The following MIA3 variants were observed in gnomAD, a reference collection of about 807,000 sequenced individuals.
MIA3 encodes the protein transport and Golgi organization protein 1 homolog.
Under a neutral mutation model 192.4 loss-of-function variants are expected in MIA3, and 90 were observed. The ratio of observed to expected loss-of-function variants is 0.47; its 90% CI spans 0.39 to 0.56. The LOEUF (loss-of-function observed/expected upper bound fraction) is 0.56. Ranked by LOEUF, MIA3 falls within the 20% of genes least tolerant of loss-of-function variation. MIA3 has a pLI of 0.00. For missense variants in MIA3, 2,123 were observed against 2,269.4 expected, an observed-to-expected ratio of 0.94 and a Z score of 1.31; for synonymous variants, 740 against 792.8, an observed-to-expected ratio of 0.93 and a Z score of 1.12.
rs1271248595 is a variant in MIA3 at position 222,629,899 on chromosome 1, G to A, written c.2679G>A (p.Gly893=). ...TEKYMGTESQ[G]SAAAEPEDDS... is the part of the protein sequence containing the mutation. The stretch of plus-strand genomic sequence containing the variant: ...AGTACATGGGCACAGAAAGCCAGGG[G>A]TCTGCTGCTGCAGAACCTGAAGATG... The change falls in exon 4 of 28, where the codon GGG becomes GGA. Residue 893 remains glycine, a synonymous_variant. Transcript: ENST00000344922. The A allele has an allele frequency of 1.2e-6, 2 of 1,613,914 alleles. No homozygotes were observed. Among genetic ancestry groups the A allele is most frequent in the Non-Finnish European group, 1.7e-6 (2 of 1,179,992 alleles).
chr1:222,635,423 C>T (rs987364488), intron 6 of MIA3, among the ~76,000 whole-genome samples: 1 of 152,106 alleles, frequency 6.6e-6, no homozygotes, highest in African/African-American at 2.4e-5. Flanking sequence ...TATAAGGGCG[C>T]AGTGTTATAA....
chr1:222,663,706 G>T (rs183804648), intron 26 of MIA3, among the ~76,000 whole-genome samples: 1 of 152,148 alleles, frequency 6.6e-6, no homozygotes, highest in Non-Finnish European at 1.5e-5. Context: ...TATGAATGGC[G>T]TAACTTCTAT....
intron 1 of MIA3, among the ~76,000 whole-genome samples, chr1:222,620,625 A>G (rs1661812164): frequency 6.6e-6 from 1 of 152,244 alleles, no homozygotes; most frequent in South Asian, 2.1e-4. Context: ...GTTTACTGCT[A>G]CATAGTACTG....
Position 222,633,261 on chromosome 1 carries a change from A to G in MIA3, c.3477+12A>G, listed in dbSNP as rs74145518. 2.4e-3 allele frequency: 3,736 copies of G among 1,577,842 alleles called. 72 individuals carry two copies. The African/African-American group carries it at 0.043, about 18-fold the overall frequency. On this transcript the variant is annotated intron_variant, in intron 6 of 27. Coordinates refer to ENST00000344922, the MANE Select transcript of MIA3 (RefSeq NM_198551.4). ...ATTTAACTAAGTCGGTAAGTTTAAC[A>G]TAGTTTTTTTTTAACTAAAATGTTG... is the stretch of plus-strand genomic sequence containing the variant.
chr1:222,644,082 C>A (rs976350508), intron 6 of MIA3, among the ~76,000 whole-genome samples: 2 of 152,240 alleles, frequency 1.3e-5, no homozygotes, highest in Non-Finnish European at 2.9e-5. Context: ...CACAATCCTC[C>A]TCCAGGTAAA....
At chr1:222,652,566 T>A (rs1663498050) in intron 13 of MIA3, among the ~76,000 whole-genome samples, 1 of 152,228 alleles carries the variant, frequency 6.6e-6, no homozygotes, top group African/African-American at 2.4e-5. Context: ...AGTCTTGTTT[T>A]GTCAGACACC....
At chr1:222,658,150 G>T (rs535897100) in intron 18 of MIA3, among the ~76,000 whole-genome samples, 38 of 152,162 alleles carry the variant, frequency 2.5e-4, no homozygotes, top group Non-Finnish European at 4.4e-4. Context: ...GCCAGTACTC[G>T]GATTTGTCTC....
chr1:222,646,861 T>C (rs538194932), intron 7 of MIA3, among the ~76,000 whole-genome samples: 4 of 152,338 alleles, frequency 2.6e-5, no homozygotes, highest in South Asian at 2.1e-4. Context: ...GTTCATATAA[T>C]GGGATATTAG....
In MIA3 at chr1:222,662,337, A is replaced by G. The variant is rs760054493; in HGVS notation, c.5262+5A>G. On this transcript the variant is annotated splice_donor_5th_base_variant and intron_variant, in intron 26 of 27. Coordinates refer to ENST00000344922, the MANE Select transcript of MIA3 (RefSeq NM_198551.4). The stretch of plus-strand genomic sequence containing the variant: ...AGGGTACTCGATGAAGGCAAGGTAA[A>G]TGCACCCATTTTGAATAATTAGTTA... 7 of 1,612,358 alleles carry G rather than the reference A, an allele frequency of 4.3e-6. No homozygotes were observed. Among genetic ancestry groups the G allele is most frequent in the Non-Finnish European group, 5.1e-6 (6 of 1,178,382 alleles).
intron 4 of MIA3, 51 bp downstream of exon 4, chr1:222,630,440 G>A: frequency 6.6e-7 from 1 of 1,520,086 alleles, no homozygotes; most frequent in Non-Finnish European, 8.8e-7. Context: ...AGGTGGGTGG[G>A]TCGCTGAGGT....
rs777117701 is a variant in MIA3 at position 222,629,785 on chromosome 1, C to T, written c.2565C>T (p.Asn855=). The change falls in exon 4 of 28, where the codon AAC becomes AAT. Residue 855 remains asparagine (N), a synonymous_variant. Coordinates refer to ENST00000344922, the MANE Select transcript of MIA3 (RefSeq NM_198551.4). ...FQNKDSDYLK[N]DNPEEHLKTS... is the part of the protein sequence containing the mutation. The stretch of plus-strand genomic sequence containing the variant: ...ATAAAGATTCTGATTATCTGAAGAA[C>T]GACAACCCTGAGGAACATCTGAAGA... 1.5e-5 allele frequency: 24 copies of T among 1,613,996 alleles called. No homozygotes were observed. Among genetic ancestry groups the T allele is most frequent in the Admixed American group, 5.0e-5 (3 of 59,998 alleles).
rs201752969 is a variant in MIA3, at chr1:222,665,608, C to T, written c.5713C>T (p.Gln1905Ter). The change falls in exon 28 of 28, where the codon CAG becomes TAG. Residue 1905 changes from glutamine to a stop codon, truncating the protein, a stop_gained. Transcript: ENST00000344922. LOFTEE classifies it high-confidence loss of function. ...CCAGGACTGTTCACAGGCTTTAAAA[C>T]AGAGCCCATAAAACTATGACCTCTG... The part of the protein sequence containing the change: ...TSQDCSQALK[Q>*]SP 9.4e-5 allele frequency: 150 copies of T among 1,588,074 alleles called. No homozygotes were observed. Among genetic ancestry groups the T allele is most frequent in the Non-Finnish European group, 1.3e-4 (147 of 1,169,656 alleles).
At chr1:222,632,074 A>G in intron 4 of MIA3, 91 bp from the exon 5 acceptor site, 1 of 1,158,372 alleles carries the variant, frequency 8.6e-7, no homozygotes, top group Non-Finnish European at 1.2e-6. Flanking sequence ...CATGGAGGTC[A>G]ATGTTGAGGT....
In MIA3 at chr1:222,645,689, A is replaced by G; in HGVS notation, c.3609+4A>G. On this transcript the variant is annotated splice_donor_region_variant and intron_variant, in intron 7 of 27. Coordinates refer to ENST00000344922, the MANE Select transcript of MIA3 (RefSeq NM_198551.4). ...CTTATGGAGAACTGTCCTTGTTGTG[A>G]GTAAATTAATGCATACTTTAACTCA... The G allele has an allele frequency of 6.2e-7, 1 of 1,612,114 alleles. No individual in the cohort carries two copies. The highest frequency in any genetic ancestry group is 8.5e-7 in the Non-Finnish European group (1 of 1,179,192).
Position 222,629,844 on chromosome 1 carries a change from T to G in MIA3, c.2624T>G (p.Leu875Arg). ...CTTGCAGGGGAGCCTGAGGGAGAAC[T>G]CTCAAAAGAGGACCATGAGAACACA... ...SGLAGEPEGE[L>R]SKEDHENTEK... The change falls in exon 4 of 28, where the codon CTC (leucine) becomes CGC (arginine). Residue 875 changes from leucine to arginine, a missense_variant. Leu to Arg is a moderately radical substitution (Grantham distance 102). Transcript: ENST00000344922. 12 of 1,613,578 alleles carry G rather than the reference T, an allele frequency of 7.4e-6. No individual in the cohort carries two copies. The highest frequency in any genetic ancestry group is 1.0e-5 in the Non-Finnish European group (12 of 1,179,884).
At position 222,630,159 on chromosome 1, in the gene MIA3, G is replaced by T; in HGVS notation, c.2939G>T (p.Arg980Leu). The T allele has an allele frequency of 6.2e-7, 1 of 1,614,218 alleles. No homozygotes were observed. Among genetic ancestry groups the T allele is most frequent in the Non-Finnish European group, 8.5e-7 (1 of 1,180,038 alleles). ...GAAAAAGTCCTAGATAAGGTCTTCCGTGCTTCTGAGTCACAAATTCTGAGC... is the reference window on the plus strand; with the variant it reads ...GAAAAAGTCCTAGATAAGGTCTTCCTTGCTTCTGAGTCACAAATTCTGAGC... ...NMEKVLDKVF[R>L]ASESQILSIA... Residue 980 changes from arginine to leucine, a missense_variant, in exon 4 of 28, where the codon CGT becomes CTT. Arg to Leu is a moderately radical substitution (Grantham distance 102). Coordinates refer to ENST00000344922, the MANE Select transcript of MIA3 (RefSeq NM_198551.4).
intron 27 of MIA3, chr1:222,664,782 T>C (rs922642508): frequency 4.5e-5 from 11 of 246,688 alleles, no homozygotes; most frequent in Admixed American, 3.3e-4. Context: ...CAGTAGTTAA[T>C]GGAATTTATC....
At chr1:222,626,317 G>A (rs1308763032) in intron 3 of MIA3, among the ~76,000 whole-genome samples, 1 of 152,036 alleles carries the variant, frequency 6.6e-6, no homozygotes, top group Non-Finnish European at 1.5e-5. Flanking sequence ...CGGGATTTGA[G>A]TGTGAGACAG....
chr1:222,644,555 T>C (rs956070448), intron 6 of MIA3: 2 of 1,550,630 alleles, frequency 1.3e-6, no homozygotes, highest in African/African-American at 2.7e-5. Flanking sequence ...TTGTCTGTGC[T>C]CTACGCAGCC....
Sources: gnomAD v4.1 joint callset for allele counts (sites outside exome capture counted in the v4.1 genomes callset) on GRCh38, gnomAD v4.1.1 for gene constraint, MANE v1.5 for transcripts, NCBI Gene and HGNC (gene_info 2026-07-23, HGNC 2026-07-21) for gene names.